The following IFT140 variants were observed in gnomAD, a reference collection of about 807,000 sequenced individuals.
IFT140 encodes intraflagellar transport 140.
Under a neutral mutation model 164.6 loss-of-function variants are expected in IFT140, and 133 were observed. That is an observed-to-expected ratio of 0.81 (90% CI 0.70 to 0.93). The LOEUF (loss-of-function observed/expected upper bound fraction) is 0.93. IFT140 is among the 40% of genes least tolerant of loss of function. The pLI, the probability that IFT140 is intolerant of heterozygous loss-of-function variation, is 0.00. For missense variants in IFT140, 2,045 were observed against 1,972.3 expected (o/e 1.04, Z -0.70); for synonymous variants, 860 against 817.3 (o/e 1.05, Z -0.89).
chr16:1,584,481 G>A (rs751996315), intron 10 of IFT140, 61 bp from the exon 11 acceptor site: 45 of 1,352,728 alleles, frequency 3.3e-5, no homozygotes, highest in Middle Eastern at 1.8e-4. Context: ...AGAAAGATGC[G>A]GTCAGGAGAA....
At position 1,520,623 on chromosome 16, in the gene IFT140, C is replaced by T. The variant is rs747655543; in HGVS notation, c.3639G>A (p.Thr1213=). 5.2e-5 allele frequency: 83 copies of T among 1,593,660 alleles called. No individual in the cohort carries two copies. The highest frequency in any genetic ancestry group is 1.1e-4 in the East Asian group (5 of 43,970). The stretch of plus-strand genomic sequence containing the variant: ...TCACCTTCAGCTTGTTGCCGGCCTG[C>T]GTGTACTTCTTGGTGGCCAGGTGGT... ...GSYHLATKKY[T]QAGNKLKAMR... is the part of the protein sequence containing the mutation. Residue 1213 remains threonine, a synonymous_variant, in exon 27 of 31, where the codon ACG becomes ACA. Coordinates refer to ENST00000426508, the MANE Select transcript of IFT140 (RefSeq NM_014714.4).
chr16:1,609,922 A>T (rs150001796), intron 2 of IFT140: 1 of 152,402 alleles, frequency 6.6e-6, no homozygotes, highest in Non-Finnish European at 1.5e-5. Context: ...TTTGGGGAAC[A>T]GGAGAAAAAC....
At chr16:1,526,297 C>T in intron 20 of IFT140, 11 of 590,260 alleles carry the variant, frequency 1.9e-5, no homozygotes, top group South Asian at 1.0e-4. Flanking sequence ...CCACCTCCCA[C>T]AGCCCCCCTC....
At chr16:1,543,387 T>C (rs543546545) in intron 19 of IFT140, among the ~76,000 whole-genome samples, 233 of 152,358 alleles carry the variant, frequency 1.5e-3, no homozygotes, top group Non-Finnish European at 2.5e-3. Context: ...GAAAGTGCCC[T>C]GAGCGAGTCA....
chr16:1,599,063 GC>G (rs2035619118), intron 4 of IFT140, among the ~76,000 whole-genome samples: 1 of 91,924 alleles, frequency 1.1e-5, no homozygotes, highest in Non-Finnish European at 2.1e-5. Flanking sequence ...CCTCTGCCCC[GC>G]CGCCCCATCT....
intron 4 of IFT140, among the ~76,000 whole-genome samples, chr16:1,596,996 A>G (rs2035496559): frequency 6.6e-6 from 1 of 152,186 alleles, no homozygotes; most frequent in Admixed American, 6.5e-5. Flanking sequence ...GAAGAGCCAG[A>G]GTTAAGTGGA....
rs746410211 is a variant in IFT140, at chr16:1,511,018, C to T, written c.4315G>A (p.Val1439Ile). 4 of 1,607,934 alleles carry T rather than the reference C, an allele frequency of 2.5e-6. No homozygotes were observed. The highest frequency in any genetic ancestry group is 3.4e-6 in the Non-Finnish European group (4 of 1,176,810). The change falls in exon 31 of 31, where the codon GTC (valine) becomes ATC (isoleucine). Residue 1439 changes from valine to isoleucine, a missense_variant. Coordinates refer to ENST00000426508, the MANE Select transcript of IFT140 (RefSeq NM_014714.4). ...LPLPRTVPEQ[V>I]RHNSMEDARE... The stretch of plus-strand genomic sequence containing the variant: ...GCGTCCTCCATGCTGTTGTGGCGGA[C>T]CTGCTCGGGGACGGTGCGTGGCAGT...
At chr16:1,514,091 A>G (rs927362202) in intron 30 of IFT140, among the ~76,000 whole-genome samples, 9 of 151,016 alleles carry the variant, frequency 6.0e-5, no homozygotes, top group African/African-American at 9.7e-5. Context: ...TTTGTTGGCC[A>G]GGTGCGGTAC....
chr16:1,512,322 C>G (rs2040195037), intron 30 of IFT140, among the ~76,000 whole-genome samples: 1 of 151,936 alleles, frequency 6.6e-6, no homozygotes. Flanking sequence ...GCGGGCTGTG[C>G]TCAGATGATG....
chr16:1,514,692 T>C lies in IFT140; in HGVS notation c.4182+3524A>G, dbSNP rs117671587. 4 of 151,660 alleles carry C rather than the reference T, an allele frequency of 2.6e-5. No individual in the cohort carries two copies. In the East Asian group the frequency reaches 7.8e-4, roughly 29 times the overall value. The allele number at this position is 151,660 out of a possible 1,614,324, so 9.4% of individuals were successfully genotyped here. On this transcript the variant is annotated intron_variant, in intron 30 of 30. Coordinates refer to ENST00000426508, the MANE Select transcript of IFT140 (RefSeq NM_014714.4). The stretch of plus-strand genomic sequence containing the variant: ...TGGAGGAATGTAACAGAATCCAGAG[T>C]CTCTACAATGGATTATCCACAATGT...
rs371077545 is a variant in IFT140, at chr16:1,602,410, C to T, written c.329G>A (p.Arg110His). The T allele has an allele frequency of 9.4e-5, 152 of 1,614,220 alleles. 1 individual carries two copies. Among genetic ancestry groups the T allele is most frequent in the South Asian group, 6.4e-4 (58 of 91,084 alleles). Residue 110 changes from arginine to histidine, a missense_variant, in exon 4 of 31, where the codon CGT (arginine) becomes CAT (histidine). Transcript: ENST00000426508. ...CAGGCAGTTTCCACTGGGGCTCCAA[C>T]GGAGCACGGTGATGTCGGCTGTGTG... ...LTHTADITVL[R>H]WSPSGNCLLS...
chr16:1,558,218 C>T (rs1403751996), intron 18 of IFT140, 84 bp from the exon 19 acceptor site: 2 of 1,340,504 alleles, frequency 1.5e-6, no homozygotes, highest in Non-Finnish European at 2.1e-6. Context: ...GGATTTAGCT[C>T]CCTTATGGGG....
Position 1,551,077 on chromosome 16 carries a change from C to T in IFT140, c.2399+6858G>A, listed in dbSNP as rs1596348322. On this transcript the variant is annotated intron_variant, in intron 19 of 30. Coordinates refer to ENST00000426508, the MANE Select transcript of IFT140 (RefSeq NM_014714.4). This position sits in a 1 kb window ranked among gnomAD's most constrained non-coding sequence, Gnocchi z 4.0. Reference sequence around the variant, plus strand: ...AACTGCCAAGGCTGCTGTTCCTCCTCGCCTTTCCCGCAGCTCCACACTGCA... The same window carrying T: ...AACTGCCAAGGCTGCTGTTCCTCCTTGCCTTTCCCGCAGCTCCACACTGCA... Among the ~76,000 whole-genome samples the T allele has an allele frequency of 6.6e-6, 1 of 152,354 alleles. No individual in the cohort carries two copies. Among genetic ancestry groups the T allele is most frequent in the East Asian group, 1.9e-4 (1 of 5,184 alleles).
Position 1,531,222 on chromosome 16 carries a change from C to T in IFT140, c.2400-4426G>A, listed in dbSNP as rs2030453522. 6.6e-6 allele frequency: 1 copy of T among 152,232 alleles called. No homozygotes were observed. The highest frequency in any genetic ancestry group is 6.5e-5 in the Admixed American group (1 of 15,288). 9.4% of individuals were successfully genotyped at this position (152,232 alleles called of 1,614,324 possible). On this transcript the variant is annotated intron_variant, in intron 19 of 30. Transcript: ENST00000426508. This position sits in a 1 kb window ranked among gnomAD's most constrained non-coding sequence, Gnocchi z 4.7. ...CCAAGTCTTGAGAATTTCCTGTTGT[C>T]CCGGCCAGTCTGTGGAGTCACCCAC...
At chr16:1,590,483 C>T (rs749753842) in intron 6 of IFT140, among the ~76,000 whole-genome samples, 23 of 152,128 alleles carry the variant, frequency 1.5e-4, no homozygotes, top group Non-Finnish European at 3.1e-4. Context: ...GCTGCTGTGC[C>T]GCCTGCCTCC....
chr16:1,572,878 C>G (rs369676326), intron 13 of IFT140, among the ~76,000 whole-genome samples: 4 of 152,138 alleles, frequency 2.6e-5, no homozygotes, highest in African/African-American at 7.2e-5. Flanking sequence ...GGGCACTCCA[C>G]GTGGGGGCAG....
chr16:1,524,473 T>C (rs1166236341), intron 24 of IFT140, 79 bp downstream of exon 24: 2 of 1,553,242 alleles, frequency 1.3e-6, no homozygotes, highest in Non-Finnish European at 1.7e-6. Context: ...GACACGATTC[T>C]CTCTGTCCAC....
chr16:1,562,324 A>G lies in IFT140; in HGVS notation c.2068-208T>C, dbSNP rs547174788. Among the ~76,000 whole-genome samples, 10 of 152,150 alleles carry G rather than the reference A, an allele frequency of 6.6e-5. No individual in the cohort carries two copies. The South Asian group carries it at 1.9e-3, about 28-fold the overall frequency. ...ACCAACACGCCTACTGGAAGGACGCACCTCGTCCAGCTTGCGACCACTGGA... is the reference window on the plus strand; with the variant it reads ...ACCAACACGCCTACTGGAAGGACGCGCCTCGTCCAGCTTGCGACCACTGGA... On this transcript the variant is annotated intron_variant, in intron 17 of 30. Transcript: ENST00000426508.
At chr16:1,523,453 G>A in intron 26 of IFT140, 65 bp downstream of exon 26, 1 of 1,528,614 alleles carries the variant, frequency 6.5e-7, no homozygotes, top group Non-Finnish European at 8.9e-7. Flanking sequence ...CACAGCCTCT[G>A]GGGACAGGAG....
Sources: gnomAD v4.1 joint callset for allele counts (sites outside exome capture counted in the v4.1 genomes callset) on GRCh38, gnomAD v4.1.1 for gene constraint, Gnocchi (gnomAD v3.1) non-coding constraint, MANE v1.5 for transcripts, NCBI Gene and HGNC (gene_info 2026-07-23, HGNC 2026-07-21) for gene names.